The following ANKS1B variants were observed in gnomAD, a reference collection of about 807,000 sequenced individuals.
The protein encoded by ANKS1B is ankyrin repeat and sterile alpha motif domain-containing protein 1B.
ANKS1B carries 36 observed loss-of-function variants against 148.3 expected under a neutral mutation model. The observed-to-expected ratio is 0.24, with a 90% CI of 0.19 to 0.32. ANKS1B has a LOEUF of 0.32. Among genes scored for constraint, ANKS1B ranks in the 10% least tolerant of loss-of-function variants. The probability of loss-of-function intolerance (pLI) is 1.00; values close to 1 mark genes in which losing one functional copy is unlikely to be tolerated. For synonymous variants in ANKS1B, 542 were observed against 560.8 expected (o/e 0.97, Z 0.47); for missense variants, 1,157 against 1,542.6 (o/e 0.75, Z 4.19).
chr12:99,744,965 C>G (rs1836642763), intron 8 of ANKS1B, among the ~76,000 whole-genome samples: 1 of 121,550 alleles, frequency 8.2e-6, no homozygotes, highest in Admixed American at 1.1e-4. Flanking sequence ...GCACTCCAGC[C>G]TAGGTGACAG....
Position 98,801,270 on chromosome 12 carries a change from A to G in ANKS1B, c.3142-145T>C. ...CTTATGTGAATATAAATACTTGGTT[A>G]TTACATTTTTATATGTATTAGCATA... On this transcript the variant is annotated intron_variant, in intron 20 of 26. Transcript: ENST00000683438. This position sits in a 1 kb window ranked among gnomAD's most constrained non-coding sequence, Gnocchi z 5.2. 2.8e-6 allele frequency: 2 copies of G among 705,606 alleles called. No homozygotes were observed. 43.7% of individuals were successfully genotyped at this position (705,606 alleles called of 1,614,324 possible). A position where few individuals can be genotyped will look rare whatever the true frequency, so the allele number is the denominator to read the frequency against.
intron 8 of ANKS1B, among the ~76,000 whole-genome samples, chr12:99,672,935 A>G (rs1198544055): frequency 6.6e-6 from 1 of 152,140 alleles, no homozygotes; most frequent in African/African-American, 2.4e-5. Context: ...AGAAAAGAAT[A>G]CATTATGAAA....
chr12:99,221,239 C>G (rs1381436644), intron 14 of ANKS1B, among the ~76,000 whole-genome samples: 2 of 152,050 alleles, frequency 1.3e-5, no homozygotes, highest in African/African-American at 4.8e-5. Context: ...ACTCGGGAGG[C>G]TGAGGCAGGA....
At chr12:98,803,546 G>C (rs1312938776) in intron 20 of ANKS1B, among the ~76,000 whole-genome samples, 1 of 152,200 alleles carries the variant, frequency 6.6e-6, no homozygotes, top group Non-Finnish European at 1.5e-5. Context: ...TCCAGTGTCT[G>C]CTGATGTGAC....
At chr12:99,347,157 G>A (rs1160878028) in intron 12 of ANKS1B, among the ~76,000 whole-genome samples, 3 of 151,892 alleles carry the variant, frequency 2.0e-5, no homozygotes, top group East Asian at 3.9e-4. Flanking sequence ...CTCTCCCAGG[G>A]CACAAACATG....
chr12:99,778,233 C>A (rs1332441266), intron 6 of ANKS1B, among the ~76,000 whole-genome samples: 1 of 151,510 alleles, frequency 6.6e-6, no homozygotes, highest in Non-Finnish European at 1.5e-5. Context: ...AGAGGCTGGG[C>A]GCTGTGGCTC....
Position 99,690,188 on chromosome 12 carries a change from A to G in ANKS1B, c.1129-34978T>C, listed in dbSNP as rs545374533. 2.0e-5 allele frequency among the ~76,000 whole-genome samples: 3 copies of G among 152,280 alleles called. No individual in the cohort carries two copies. The South Asian group carries it at 6.2e-4, about 32-fold the overall frequency. On this transcript the variant is annotated intron_variant, in intron 8 of 26. Transcript: ENST00000683438. ...GAACAGCATAGGGGAAACCGCCGCC[A>G]TAATCTAATTACCTCCACCTGGTCC...
At chr12:98,935,191 G>T (rs539654135) in intron 17 of ANKS1B, among the ~76,000 whole-genome samples, 288 of 152,106 alleles carry the variant, frequency 1.9e-3, no homozygotes, top group Non-Finnish European at 2.9e-3. Flanking sequence ...TATCATCAAA[G>T]GATGTTGAAT....
intron 1 of ANKS1B, among the ~76,000 whole-genome samples, chr12:99,947,591 A>G (rs750546663): frequency 2.0e-5 from 3 of 151,236 alleles, no homozygotes; most frequent in Non-Finnish European, 4.4e-5. Context: ...TATCAGTGCT[A>G]TATCAGTTTT....
chr12:99,230,214 G>A (rs1439069270), intron 14 of ANKS1B, among the ~76,000 whole-genome samples: 1 of 152,064 alleles, frequency 6.6e-6, no homozygotes, highest in Non-Finnish European at 1.5e-5. Context: ...TTGATATAGT[G>A]AGATTCAAAC....
In ANKS1B at chr12:99,399,709, T is replaced by G; in HGVS notation, c.1678A>C (p.Thr560Pro). The part of the protein sequence containing the change: ...INTSTGCTSF[T>P]ASPPASPPTS... ...GGTGGACTAGCAGGAGGACTGGCAG[T>G]AAAGCTTGTGCACCCTGTAGATGTG... The change falls in exon 12 of 27, where the codon ACT becomes CCT. Residue 560 changes from threonine (T) to proline (P), a missense_variant. Thr to Pro is a conservative substitution (Grantham distance 38). Transcript: ENST00000683438. The G allele has an allele frequency of 6.2e-7, 1 of 1,613,598 alleles. No homozygotes were observed. The highest frequency in any genetic ancestry group is 1.7e-4 in the Middle Eastern group (1 of 6,058).
intron 9 of ANKS1B, among the ~76,000 whole-genome samples, chr12:99,522,528 C>T (rs1412964333): frequency 6.6e-6 from 1 of 152,100 alleles, no homozygotes; most frequent in East Asian, 1.9e-4. Flanking sequence ...ACGTTGTTTA[C>T]ACTGTGTTTT....
At chr12:99,564,748 T>C (rs898513722) in intron 9 of ANKS1B, among the ~76,000 whole-genome samples, 3 of 152,156 alleles carry the variant, frequency 2.0e-5, no homozygotes. Context: ...AGTCTGTACT[T>C]ACTTACACTA....
chr12:99,139,963 T>C (rs577193022), intron 15 of ANKS1B, among the ~76,000 whole-genome samples: 1 of 152,340 alleles, frequency 6.6e-6, no homozygotes, highest in African/African-American at 2.4e-5. Context: ...TAGATTTACA[T>C]TTTAAAATGC....
intron 10 of ANKS1B, among the ~76,000 whole-genome samples, chr12:99,450,486 G>C (rs1193274077): frequency 6.6e-6 from 1 of 152,188 alleles, no homozygotes; most frequent in Non-Finnish European, 1.5e-5. Context: ...AGAAGAAAAT[G>C]CTGGGAACTC....
At chr12:99,179,428 C>CAAAAA (rs59979808) in intron 14 of ANKS1B, among the ~76,000 whole-genome samples, 3 of 72,952 alleles carry the variant, frequency 4.1e-5, no homozygotes, top group African/African-American at 1.1e-4. Flanking sequence ...GACTCTGTCT[C>CAAAAA]AAAAAAAAAA....
chr12:99,026,585 T>C (rs757327745), intron 17 of ANKS1B, among the ~76,000 whole-genome samples: 2 of 150,390 alleles, frequency 1.3e-5, no homozygotes, highest in Non-Finnish European at 2.9e-5. Flanking sequence ...TGAAGAGCTA[T>C]TTATTTTCCT....
At chr12:99,624,590 A>G (rs929268395) in intron 9 of ANKS1B, among the ~76,000 whole-genome samples, 1 of 152,150 alleles carries the variant, frequency 6.6e-6, no homozygotes, top group Non-Finnish European at 1.5e-5. Flanking sequence ...GGCAAAGGAG[A>G]TGAAAAGACA....
chr12:98,884,775 C>T (rs969988023), intron 17 of ANKS1B, among the ~76,000 whole-genome samples: 7 of 141,124 alleles, frequency 5.0e-5, no homozygotes, highest in Admixed American at 4.5e-4. Flanking sequence ...GTCCGCAGTC[C>T]GACCTGGGCG....
Sources: gnomAD v4.1 joint callset for allele counts (sites outside exome capture counted in the v4.1 genomes callset) on GRCh38, gnomAD v4.1.1 for gene constraint, Gnocchi (gnomAD v3.1) non-coding constraint, MANE v1.5 for transcripts, NCBI Gene and HGNC (gene_info 2026-07-23, HGNC 2026-07-21) for gene names.